Variants in HMGXB3 observed in about 807,000 individuals in gnomAD.
HMGXB3 encodes HMG domain-containing protein 3.
Under a neutral mutation model 121.5 loss-of-function variants are expected in HMGXB3, and 45 were observed. The observed-to-expected ratio is 0.37, with a 90% confidence interval of 0.29 to 0.47. The LOEUF (loss-of-function observed/expected upper bound fraction) is 0.47, where lower values mean the gene tolerates loss of function less well. Ranked by LOEUF, HMGXB3 falls within the 20% of genes least tolerant of loss-of-function variation. The probability of loss-of-function intolerance (pLI) is 0.99; values close to 1 mark genes in which losing one functional copy is unlikely to be tolerated. For missense variants in HMGXB3, 1,376 were observed against 1,602.2 expected (o/e 0.86, Z 2.41); for synonymous variants, 590 against 624.1 (o/e 0.95, Z 0.81).
At chr5:150,047,480 A>C (rs1756784837) in intron 16 of HMGXB3, 144 bp from the exon 17 acceptor site, 1 of 865,188 alleles carries the variant, frequency 1.2e-6, no homozygotes, top group South Asian at 1.8e-5. Flanking sequence ...GAAAGCGTGG[A>C]CCTGACTTGA....
chr5:150,033,941 A>G (rs1348717756), intron 11 of HMGXB3, among the ~76,000 whole-genome samples: 1 of 152,164 alleles, frequency 6.6e-6, no homozygotes, highest in African/African-American at 2.4e-5. Context: ...GCTTGGTGGG[A>G]AAAACACTGG....
At chr5:150,040,907 A>G (rs1581264157) in intron 14 of HMGXB3, 28 bp downstream of exon 14, 1 of 1,531,068 alleles carries the variant, frequency 6.5e-7, no homozygotes, top group Non-Finnish European at 8.8e-7. Flanking sequence ...CCCTTTCCCA[A>G]GGTTAGTCCT....
intron 3 of HMGXB3, among the ~76,000 whole-genome samples, chr5:150,007,796 C>G (rs758278596): frequency 2.6e-5 from 4 of 152,022 alleles, no homozygotes; most frequent in African/African-American, 7.2e-5. Flanking sequence ...AGCTCATGCC[C>G]GTAATCCCAG....
chr5:150,039,854 A>G (rs981282375), intron 13 of HMGXB3, among the ~76,000 whole-genome samples: 2 of 152,248 alleles, frequency 1.3e-5, no homozygotes, highest in Non-Finnish European at 2.9e-5. Context: ...TTCACTGGGA[A>G]CACATACTCC....
rs894236817 is a variant in HMGXB3, at chr5:150,052,073, A to G, written c.3760A>G (p.Ser1254Gly). ...VNRQIHDIVQSCQPGEVVIRD... is the reference protein window; with the variant it reads ...VNRQIHDIVQGCQPGEVVIRD... ...TCGTCAGATCCATGACATTGTACAG[A>G]GCTGCCAGCCTGGTGAGGTGGTCAT... The change falls in exon 20 of 20, where the codon AGC (serine) becomes GGC (glycine). Residue 1254 changes from serine (S) to glycine (G), a missense_variant. Ser to Gly is a moderately conservative substitution (Grantham distance 56). Coordinates refer to ENST00000502717, the MANE Select transcript of HMGXB3 (RefSeq NM_014983.3). 11 of 1,551,808 alleles carry G rather than the reference A, an allele frequency of 7.1e-6. No homozygotes were observed. The highest frequency in any genetic ancestry group is 5.5e-5 in the African/African-American group (4 of 73,060).
At chr5:150,004,519 G>A (rs1286004086) in intron 1 of HMGXB3, among the ~76,000 whole-genome samples, 2 of 152,188 alleles carry the variant, frequency 1.3e-5, no homozygotes, top group Non-Finnish European at 2.9e-5. Flanking sequence ...TTGTGTTAAA[G>A]GGGTGGGTGG....
intron 10 of HMGXB3, 113 bp downstream of exon 10, chr5:150,030,952 G>C: frequency 2.9e-6 from 2 of 701,622 alleles, no homozygotes; most frequent in Non-Finnish European, 5.1e-6. Context: ...GGGAGAACAG[G>C]GTCAGGTATA....
chr5:150,023,233 C>T (rs1387246056), intron 6 of HMGXB3, among the ~76,000 whole-genome samples: 2 of 152,102 alleles, frequency 1.3e-5, no homozygotes, highest in East Asian at 3.9e-4. Flanking sequence ...AATTTAGTGA[C>T]ATTGGCACAG....
Position 150,050,198 on chromosome 5 carries a change from C to G in HMGXB3, c.3202-54C>G. On this transcript the variant is annotated intron_variant, in intron 18 of 19. Coordinates refer to ENST00000502717, the MANE Select transcript of HMGXB3 (RefSeq NM_014983.3). ...AAGAAGCGAGTGAGAACTGTACACT[C>G]TCTGCAGACTGGCTTCCTAATTAAC... is the stretch of plus-strand genomic sequence containing the variant. 2.8e-6 allele frequency: 4 copies of G among 1,428,974 alleles called. No individual in the cohort carries two copies. In the South Asian group the frequency reaches 3.7e-5, roughly 13 times the overall value. The allele number at this position is 1,428,974 out of a possible 1,614,324, so 88.5% of individuals were successfully genotyped here.
At chr5:150,048,832 C>A (rs216125) in intron 18 of HMGXB3, 147 bp downstream of exon 18, 4 of 634,352 alleles carry the variant, frequency 6.3e-6, no homozygotes, top group South Asian at 3.8e-5. Flanking sequence ...GTGCTACCCC[C>A]TGGGCTAGGG....
intron 11 of HMGXB3, among the ~76,000 whole-genome samples, chr5:150,034,999 C>T (rs1756469491): frequency 6.6e-6 from 1 of 152,184 alleles, no homozygotes; most frequent in Admixed American, 6.5e-5. Context: ...TGCTATGGGC[C>T]AGGCTTTCAG....
At chr5:150,005,986 T>C (rs1038024992) in intron 2 of HMGXB3, among the ~76,000 whole-genome samples, 1 of 152,220 alleles carries the variant, frequency 6.6e-6, no homozygotes, top group African/African-American at 2.4e-5. Flanking sequence ...CTTCCAGGTT[T>C]CTGAAGGGGA....
intron 5 of HMGXB3, among the ~76,000 whole-genome samples, chr5:150,013,471 A>G (rs886536598): frequency 1.3e-5 from 2 of 152,326 alleles, no homozygotes; most frequent in Middle Eastern, 3.4e-3. Flanking sequence ...GTTGGATTTC[A>G]TTTGCTAAAA....
At position 150,010,640 on chromosome 5, in the gene HMGXB3, T is replaced by A. The variant is rs779346730; in HGVS notation, c.810+32T>A. ...GGCTTTGGTACTGAAGTCTTTGGCT[T>A]TGTCTGGAGTTACTTAAAGGGCAGC... is the stretch of plus-strand genomic sequence containing the variant. On this transcript the variant is annotated intron_variant, in intron 4 of 19. Coordinates refer to ENST00000502717, the MANE Select transcript of HMGXB3 (RefSeq NM_014983.3). The A allele has an allele frequency of 1.4e-5, 22 of 1,527,898 alleles. No homozygotes were observed. The South Asian group carries it at 2.7e-4, about 19-fold the overall frequency. 94.6% of individuals were successfully genotyped at this position (1,527,898 alleles called of 1,614,324 possible). A position where few individuals can be genotyped will look rare whatever the true frequency, so the allele number is the denominator to read the frequency against.
intron 6 of HMGXB3, among the ~76,000 whole-genome samples, chr5:150,019,998 A>G (rs1756050348): frequency 6.6e-6 from 1 of 152,192 alleles, no homozygotes. Context: ...CAAGGTTTTT[A>G]ACTATGTAAT....
chr5:150,045,378 C>T (rs755118331), intron 15 of HMGXB3, 88 bp from the exon 16 acceptor site: 12 of 1,136,356 alleles, frequency 1.1e-5, no homozygotes, highest in Admixed American at 2.0e-5. Context: ...GCCTTGGCTT[C>T]CCTGTGTGTA....
At chr5:150,042,970 A>G (rs1756672757) in intron 15 of HMGXB3, among the ~76,000 whole-genome samples, 1 of 152,258 alleles carries the variant, frequency 6.6e-6, no homozygotes, top group Non-Finnish European at 1.5e-5. Flanking sequence ...GAATATACTC[A>G]TGAATATAGA....
chr5:150,001,915 A>C (rs1465566393), intron 1 of HMGXB3, among the ~76,000 whole-genome samples: 1 of 152,176 alleles, frequency 6.6e-6, no homozygotes, highest in African/African-American at 2.4e-5. Context: ...TCAGCCGCCC[A>C]GAAGTCAATT....
At chr5:150,051,304 G>C (rs1017433231) in intron 19 of HMGXB3, among the ~76,000 whole-genome samples, 1 of 152,188 alleles carries the variant, frequency 6.6e-6, no homozygotes, top group Admixed American at 6.5e-5. Context: ...AAGGTTGAGT[G>C]CCCCAGCCAG....
Sources: gnomAD v4.1 joint callset for allele counts (sites outside exome capture counted in the v4.1 genomes callset) on GRCh38, gnomAD v4.1.1 for gene constraint, MANE v1.5 for transcripts, NCBI Gene and HGNC (gene_info 2026-07-23, HGNC 2026-07-21) for gene names.